The following PSD3 variants were observed in gnomAD, a reference collection of about 807,000 sequenced individuals.
PSD3 encodes PH and SEC7 domain-containing protein 3.
Under a neutral mutation model 105.5 loss-of-function variants are expected in PSD3, and 49 were observed. That is an observed-to-expected ratio of 0.46 (90% CI 0.37 to 0.59). The LOEUF is 0.59. Ranked by LOEUF, PSD3 falls within the 20% of genes least tolerant of loss-of-function variation. The probability of loss-of-function intolerance (pLI) is 0.00; values close to 1 mark genes in which losing one functional copy is unlikely to be tolerated. For missense variants in PSD3, 1,561 were observed against 1,263.8 expected, an observed-to-expected ratio of 1.24 and a Z score of -3.57; for synonymous variants, 557 against 457.8, an observed-to-expected ratio of 1.22 and a Z score of -2.77.
intron 9 of PSD3, among the ~76,000 whole-genome samples, chr8:18,688,753 G>A (rs758479694): frequency 7.9e-5 from 12 of 152,130 alleles, no homozygotes; most frequent in African/African-American, 2.7e-4. Context: ...CTTCAAAGAC[G>A]TGTTGGATGA....
At chr8:18,650,619 G>A (rs1318369848) in intron 10 of PSD3, among the ~76,000 whole-genome samples, 1 of 152,078 alleles carries the variant, frequency 6.6e-6, no homozygotes, top group African/African-American at 2.4e-5. Flanking sequence ...GTTCTCATTA[G>A]GCAAGGATCT....
At chr8:18,988,937 T>A (rs1311948758) in intron 1 of PSD3, among the ~76,000 whole-genome samples, 1 of 152,216 alleles carries the variant, frequency 6.6e-6, no homozygotes, top group African/African-American at 2.4e-5. Flanking sequence ...CAAAGCTGAC[T>A]GCAAGCCAGG....
intron 2 of PSD3, among the ~76,000 whole-genome samples, chr8:18,923,713 G>C (rs1821177681): frequency 6.6e-6 from 1 of 152,200 alleles, no homozygotes; most frequent in Middle Eastern, 3.4e-3. Flanking sequence ...TTTGCACAAA[G>C]ATGAAATCGC....
intron 1 of PSD3, among the ~76,000 whole-genome samples, chr8:18,996,982 A>G (rs1445188687): frequency 6.6e-6 from 1 of 151,520 alleles, no homozygotes; most frequent in Non-Finnish European, 1.5e-5. Context: ...GGCTGGCAAG[A>G]CCTCGCACTC....
intron 1 of PSD3, among the ~76,000 whole-genome samples, chr8:18,992,899 T>C (rs1270815745): frequency 6.6e-6 from 1 of 152,106 alleles, no homozygotes; most frequent in Admixed American, 6.6e-5. Context: ...TTAATCACAA[T>C]CTCCAACTTA....
At chr8:19,007,165 A>G (rs907776362) in intron 1 of PSD3, among the ~76,000 whole-genome samples, 2 of 151,914 alleles carry the variant, frequency 1.3e-5, no homozygotes, top group African/African-American at 4.8e-5. Flanking sequence ...GAGGCAGGAG[A>G]ATCGCTTGAG....
chr8:18,550,772 A>G (rs1360058721), intron 15 of PSD3, among the ~76,000 whole-genome samples: 5 of 152,166 alleles, frequency 3.3e-5, no homozygotes, highest in African/African-American at 1.2e-4. Flanking sequence ...GTCGGGAACC[A>G]TCTGTACTTA....
intron 11 of PSD3, among the ~76,000 whole-genome samples, chr8:18,605,853 C>T (rs899028582): frequency 1.3e-5 from 2 of 152,064 alleles, no homozygotes; most frequent in Non-Finnish European, 2.9e-5. Flanking sequence ...CTCCTGTGGC[C>T]ATGTGAAGTG....
At chr8:18,843,137 G>A (rs1452204338) in intron 4 of PSD3, among the ~76,000 whole-genome samples, 1 of 152,066 alleles carries the variant, frequency 6.6e-6, no homozygotes, top group Non-Finnish European at 1.5e-5. Flanking sequence ...GAGACGGGCG[G>A]ATCACGAGGT....
In PSD3 at chr8:18,794,651, T is replaced by C. The variant is rs1274700673; in HGVS notation, c.2082+4644A>G. On this transcript the variant is annotated intron_variant, in intron 8 of 15. Coordinates refer to ENST00000327040, the MANE Select transcript of PSD3 (RefSeq NM_015310.4). ...TACATTGTCTATGATGCCAAGACCTTTGTTCACGTGTTTGTCTGCTGACCC... is the reference window on the plus strand; with the variant it reads ...TACATTGTCTATGATGCCAAGACCTCTGTTCACGTGTTTGTCTGCTGACCC... 1.6e-3 allele frequency among the ~76,000 whole-genome samples: 25 copies of C among 16,110 alleles called. 6 individuals carry two copies. The highest frequency in any genetic ancestry group is 3.6e-3 in the African/African-American group (25 of 6,986). The allele number at this position is 16,110 out of a possible 152,430, so 10.6% of individuals were successfully genotyped here.
intron 9 of PSD3, among the ~76,000 whole-genome samples, chr8:18,700,798 C>A (rs962610526): frequency 6.6e-6 from 1 of 152,066 alleles, no homozygotes; most frequent in Non-Finnish European, 1.5e-5. Flanking sequence ...GGATGCAGGA[C>A]TAAGATTCAC....
At chr8:18,782,522 G>C (rs977118339) in intron 8 of PSD3, among the ~76,000 whole-genome samples, 1 of 152,170 alleles carries the variant, frequency 6.6e-6, no homozygotes, top group Non-Finnish European at 1.5e-5. Context: ...GCTAGTGAAA[G>C]GGACATCAGG....
chr8:18,667,811 C>T (rs1255587006), intron 9 of PSD3, among the ~76,000 whole-genome samples: 8 of 152,194 alleles, frequency 5.3e-5, no homozygotes, highest in Non-Finnish European at 1.0e-4. Flanking sequence ...GGCTGCAGAG[C>T]CTCCGAGCCC....
chr8:18,819,768 G>C (rs192664947), intron 4 of PSD3, among the ~76,000 whole-genome samples: 1 of 151,878 alleles, frequency 6.6e-6, no homozygotes, highest in Admixed American at 6.6e-5. Flanking sequence ...TAGTAGAGAT[G>C]GGGTTTCACC....
intron 4 of PSD3, chr8:18,808,797 G>A (rs758926800): frequency 6.2e-7 from 1 of 1,613,902 alleles, no homozygotes; most frequent in South Asian, 1.1e-5. Flanking sequence ...CGCAACCCCT[G>A]GGGTGCGCCT....
chr8:18,812,342 G>C (rs536842557), intron 4 of PSD3, among the ~76,000 whole-genome samples: 1 of 152,166 alleles, frequency 6.6e-6, no homozygotes, highest in Admixed American at 6.5e-5. Context: ...TAAAGGCCTT[G>C]GGGGCCACTA....
At chr8:18,877,286 T>C (rs2129458282) in intron 2 of PSD3, among the ~76,000 whole-genome samples, 1 of 152,348 alleles carries the variant, frequency 6.6e-6, no homozygotes, top group East Asian at 1.9e-4. Flanking sequence ...TCTAAGAGTT[T>C]TGCAGTATTT....
intron 9 of PSD3, among the ~76,000 whole-genome samples, chr8:18,687,235 G>A (rs1453816162): frequency 2.0e-5 from 3 of 152,152 alleles, no homozygotes; most frequent in East Asian, 1.9e-4. Flanking sequence ...AGGCCAAGGC[G>A]GGCGGATCAC....
At chr8:18,982,160 T>C (rs1020880544) in intron 1 of PSD3, among the ~76,000 whole-genome samples, 7 of 152,216 alleles carry the variant, frequency 4.6e-5, no homozygotes, top group Non-Finnish European at 7.3e-5. Flanking sequence ...GTAAATCCCA[T>C]CTCAAGAAAC....
Sources: allele counts gnomAD v4.1 joint callset (sites outside exome capture counted in the v4.1 genomes callset), GRCh38; gene constraint gnomAD v4.1.1; transcripts MANE v1.5; gene names NCBI Gene and HGNC (gene_info 2026-07-23, HGNC 2026-07-21).